The following SLC9A5 variants were observed in gnomAD, a reference collection of about 807,000 sequenced individuals.
SLC9A5 encodes solute carrier family 9 member A5.
Under a neutral mutation model 91.7 loss-of-function variants are expected in SLC9A5, and 52 were observed. The ratio of observed to expected loss-of-function variants is 0.57; its 90% CI spans 0.45 to 0.71. The LOEUF is 0.71. Among genes scored for constraint, SLC9A5 ranks in the 30% least tolerant of loss-of-function variants. The probability of loss-of-function intolerance (pLI) is 0.00; values close to 1 mark genes in which losing one functional copy is unlikely to be tolerated. For missense variants in SLC9A5, 871 were observed against 1,158.9 expected (o/e 0.75, Z 3.61); for synonymous variants, 419 against 474.5 (o/e 0.88, Z 1.52).
intron 12 of SLC9A5, chr16:67,261,245 A>G (rs1160084041): frequency 6.6e-6 from 1 of 152,248 alleles, no homozygotes; most frequent in Admixed American, 6.5e-5. Context: ...GCCTTGGCTC[A>G]CCACCCTGGG....
intron 12 of SLC9A5, chr16:67,262,962 A>T (rs1283555214): frequency 6.6e-6 from 1 of 152,478 alleles, no homozygotes; most frequent in Non-Finnish European, 1.5e-5. Flanking sequence ...GGTAGGAGAG[A>T]AAGTGTCAGA....
At chr16:67,261,978 A>C (rs1476083405) in intron 12 of SLC9A5, 1 of 260,738 alleles carries the variant, frequency 3.8e-6, no homozygotes, top group Non-Finnish European at 7.6e-6. Context: ...TTTATGTATA[A>C]GATTGGTCAA....
At position 67,271,458 on chromosome 16, in the gene SLC9A5, G is replaced by A. The variant is rs1168423784; in HGVS notation, c.*248G>A. The A allele has an allele frequency of 9.2e-6, 5 of 543,466 alleles. No homozygotes were observed. The highest frequency in any genetic ancestry group is 4.9e-5 in the South Asian group (2 of 41,028). The allele number at this position is 543,466 out of a possible 1,614,324, so 33.7% of individuals were successfully genotyped here. A position where few individuals can be genotyped will look rare whatever the true frequency, so the allele number is the denominator to read the frequency against. On this transcript the variant is annotated 3_prime_UTR_variant, in exon 16 of 16. Coordinates refer to ENST00000299798, the MANE Select transcript of SLC9A5 (RefSeq NM_004594.3). Reference sequence around the variant, plus strand: ...GGCCTCTACTCTGGCTCAGGACCCAGTCCAGGCCTTCTACGGGCTAGGCCC... The same window carrying A: ...GGCCTCTACTCTGGCTCAGGACCCAATCCAGGCCTTCTACGGGCTAGGCCC...
At chr16:67,259,704 T>A (rs1282901834) in intron 11 of SLC9A5, 43 bp downstream of exon 11, 1 of 1,597,772 alleles carries the variant, frequency 6.3e-7, no homozygotes, top group South Asian at 1.1e-5. Flanking sequence ...CTCCTCTCCA[T>A]TGTGCCCTCT....
In SLC9A5 at chr16:67,259,843, G is replaced by A. The variant is rs1486670750; in HGVS notation, c.1739G>A (p.Cys580Tyr). Residue 580 changes from cysteine to tyrosine, a missense_variant, in exon 12 of 16, where the codon TGT (cysteine) becomes TAT (tyrosine). By Grantham distance (194) the Cys-to-Tyr change is radical. Coordinates refer to ENST00000299798, the MANE Select transcript of SLC9A5 (RefSeq NM_004594.3). ...NLLRESGSGACLDLQVIDTVR... is the reference protein window; with the variant it reads ...NLLRESGSGAYLDLQVIDTVR... The stretch of plus-strand genomic sequence containing the variant: ...AGGAGGGAGAGTGGCAGTGGAGCGT[G>A]TCTGGATCTGCAGGTGATTGACACA... The A allele has an allele frequency of 1.9e-6, 3 of 1,614,182 alleles. No homozygotes were observed. The highest frequency in any genetic ancestry group is 1.7e-5 in the Admixed American group (1 of 60,026).
rs1050058682 is a variant in SLC9A5, at chr16:67,259,955, A to G, written c.1842+9A>G. 3 of 1,613,028 alleles carry G rather than the reference A, an allele frequency of 1.9e-6. No individual in the cohort carries two copies. The highest frequency in any genetic ancestry group is 2.7e-5 in the African/African-American group (2 of 74,896). On this transcript the variant is annotated intron_variant, in intron 12 of 15. Coordinates refer to ENST00000299798, the MANE Select transcript of SLC9A5 (RefSeq NM_004594.3). Reference sequence around the variant, plus strand: ...ACAAGCCGCGCCGTAGGGTGAGAGCAGGCAGGCATCAGGATTTTGAGGGGG... The same window carrying G: ...ACAAGCCGCGCCGTAGGGTGAGAGCGGGCAGGCATCAGGATTTTGAGGGGG...
At chr16:67,269,062 T>G (rs2035837403) in intron 15 of SLC9A5, among the ~76,000 whole-genome samples, 1 of 152,076 alleles carries the variant, frequency 6.6e-6, no homozygotes, top group Non-Finnish European at 1.5e-5. Flanking sequence ...AGTCTTTCTC[T>G]GTCTGGATTT....
Position 67,258,269 on chromosome 16 carries a change from G to T in SLC9A5, c.1497-49G>T. Reference sequence around the variant, plus strand: ...GCCCCGTCTGAGGAAGGGCCACCTGGCCAGGCCTTGGGAATGGGACTCAGG... The same window carrying T: ...GCCCCGTCTGAGGAAGGGCCACCTGTCCAGGCCTTGGGAATGGGACTCAGG... On this transcript the variant is annotated intron_variant, in intron 9 of 15. Coordinates refer to ENST00000299798, the MANE Select transcript of SLC9A5 (RefSeq NM_004594.3). The surrounding 1 kb of genome is among the most constrained non-coding windows in gnomAD (Gnocchi z 4.5). The T allele has an allele frequency of 6.2e-7, 1 of 1,607,042 alleles. No homozygotes were observed.
In SLC9A5 at chr16:67,266,096, A is replaced by G; in HGVS notation, c.2089A>G (p.Ile697Val). 6.2e-7 allele frequency: 1 copy of G among 1,611,798 alleles called. No homozygotes were observed. Among genetic ancestry groups the G allele is most frequent in the Non-Finnish European group, 8.5e-7 (1 of 1,179,046 alleles). ...CTCTTGTCTCTGTCCAGCTGCTGTG[A>G]TATTAACCGTGGAGTCTGAGGAGGA... is the stretch of plus-strand genomic sequence containing the variant. ...GLGFQDTAAV[I>V]LTVESEEEEE... Residue 697 changes from isoleucine to valine, a missense_variant, in exon 15 of 16, where the codon ATA becomes GTA. Ile to Val is a conservative substitution (Grantham distance 29). Around this residue, in one of 3 missense-constraint regions of SLC9A5, gnomAD observed 295 missense variants for 326.0 expected, o/e 0.90. Coordinates refer to ENST00000299798, the MANE Select transcript of SLC9A5 (RefSeq NM_004594.3).
At chr16:67,264,771 C>T (rs2142377435) in intron 13 of SLC9A5, among the ~76,000 whole-genome samples, 1 of 152,208 alleles carries the variant, frequency 6.6e-6, no homozygotes, top group East Asian at 1.9e-4. Context: ...GGGCCGCCTA[C>T]CAAAGATGAA....
chr16:67,268,656 G>GA (rs2035797151), intron 15 of SLC9A5, among the ~76,000 whole-genome samples: 1 of 54,860 alleles, frequency 1.8e-5, no homozygotes, highest in Non-Finnish European at 3.4e-5. Context: ...AAATTTCCCT[G>GA]ATTATATATA....
Position 67,268,711 on chromosome 16 carries a change from T to TA in SLC9A5, c.2219-2027_2219-2026insA, listed in dbSNP as rs55635044. On this transcript the variant is annotated intron_variant, in intron 15 of 15. Coordinates refer to ENST00000299798, the MANE Select transcript of SLC9A5 (RefSeq NM_004594.3). ...ATATATATATATATATATATATATA[T>TA]TTTTACAGTAGGCTTGTCCAATGTC... Among the ~76,000 whole-genome samples, 178 of 97,316 alleles carry TA rather than the reference T, an allele frequency of 1.8e-3. 2 individuals carry two copies. Among genetic ancestry groups the TA allele is most frequent in the African/African-American group, 6.3e-3 (132 of 20,810 alleles). The allele number at this position is 97,316 out of a possible 152,430, so 63.8% of individuals were successfully genotyped here. A position where few individuals can be genotyped will look rare whatever the true frequency, so the allele number is the denominator to read the frequency against.
At position 67,252,691 on chromosome 16, in the gene SLC9A5, C is replaced by G. The variant is rs749949450; in HGVS notation, c.337C>G (p.Pro113Ala). Residue 113 changes from proline (P) to alanine (A), a missense_variant, in exon 2 of 16, where the codon CCT (proline) becomes GCT (alanine). Physicochemically the swap from Pro to Ala is conservative, Grantham distance 27. Around this residue, in one of 3 missense-constraint regions of SLC9A5, gnomAD observed 454 missense variants for 718.3 expected, o/e 0.63. Transcript: ENST00000299798. The surrounding 1 kb of genome is among the most constrained non-coding windows in gnomAD (Gnocchi z 4.0). Reference sequence around the variant, plus strand: ...AGGCACCTTCTTCCTCTTCCTGCTGCCTCCTATTGTGTTGGACTCAGGCTA... The same window carrying G: ...AGGCACCTTCTTCCTCTTCCTGCTGGCTCCTATTGTGTTGGACTCAGGCTA... ...EPGTFFLFLLPPIVLDSGYFM... is the reference protein window; with the variant it reads ...EPGTFFLFLLAPIVLDSGYFM... 1 of 1,614,226 alleles carries G rather than the reference C, an allele frequency of 6.2e-7. No individual in the cohort carries two copies. The highest frequency in any genetic ancestry group is 8.5e-7 in the Non-Finnish European group (1 of 1,180,044).
Position 67,257,247 on chromosome 16 carries a change from G to T in SLC9A5, c.1336-98G>T. 7.4e-7 allele frequency: 1 copy of T among 1,357,522 alleles called. No individual in the cohort carries two copies. The highest frequency in any genetic ancestry group is 1.0e-6 in the Non-Finnish European group (1 of 955,746). 84.1% of individuals were successfully genotyped at this position (1,357,522 alleles called of 1,614,324 possible). On this transcript the variant is annotated intron_variant, in intron 7 of 15. Coordinates refer to ENST00000299798, the MANE Select transcript of SLC9A5 (RefSeq NM_004594.3). The surrounding 1 kb of genome is among the most constrained non-coding windows in gnomAD (Gnocchi z 5.1). Reference sequence around the variant, plus strand: ...GACTTCCCAGACCTTGAGTGCAGTGGGGTAGGGGTACTGAAGCTGAAGCCT... The same window carrying T: ...GACTTCCCAGACCTTGAGTGCAGTGTGGTAGGGGTACTGAAGCTGAAGCCT...
chr16:67,259,977 G>T lies in SLC9A5; in HGVS notation c.1842+31G>T, dbSNP rs781366542. 41 of 1,609,634 alleles carry T rather than the reference G, an allele frequency of 2.5e-5. No homozygotes were observed. In the East Asian group the frequency reaches 8.9e-4, roughly 35 times the overall value. ...AGCAGGCAGGCATCAGGATTTTGAG[G>T]GGGTGGAGGTGGTCTGAGGAGAGCT... On this transcript the variant is annotated intron_variant, in intron 12 of 15. Coordinates refer to ENST00000299798, the MANE Select transcript of SLC9A5 (RefSeq NM_004594.3).
Position 67,255,507 on chromosome 16 carries a change from T to C in SLC9A5, c.733+36T>C, listed in dbSNP as rs749196880. The C allele has an allele frequency of 6.3e-7, 1 of 1,596,980 alleles. No homozygotes were observed. Among genetic ancestry groups the C allele is most frequent in the Non-Finnish European group, 8.6e-7 (1 of 1,164,652 alleles). ...CCCCGCTCCCAGCTGGCATTGGAGG[T>C]CTGCCTCCCCTGGGTTGCTGAGGCC... On this transcript the variant is annotated intron_variant, in intron 4 of 15. Coordinates refer to ENST00000299798, the MANE Select transcript of SLC9A5 (RefSeq NM_004594.3). The surrounding 1 kb of genome is among the most constrained non-coding windows in gnomAD (Gnocchi z 4.9).
chr16:67,268,647 A>G (rs2035796900), intron 15 of SLC9A5, among the ~76,000 whole-genome samples: 1 of 104,702 alleles, frequency 9.6e-6, no homozygotes, highest in African/African-American at 3.5e-5. Flanking sequence ...ACATCGTTCA[A>G]ATTTCCCTGA....
Position 67,249,055 on chromosome 16 carries a change from C to T in SLC9A5, c.41C>T (p.Ala14Val), listed in dbSNP as rs778721211. Residue 14 changes from alanine (A) to valine (V), a missense_variant, in exon 1 of 16, where the codon GCG becomes GTG. Around this residue, in one of 3 missense-constraint regions of SLC9A5, gnomAD observed 122 missense variants for 114.5 expected, o/e 1.07. Coordinates refer to ENST00000299798, the MANE Select transcript of SLC9A5 (RefSeq NM_004594.3). ...CTGTCCCTGCTCGCGCTGCCCCTGG[C>T]GGGGGCGGCCGAAGAGCCCACCCAG... ...AALSLLALPL[A>V]GAAEEPTQKP... 35 of 1,506,670 alleles carry T rather than the reference C, an allele frequency of 2.3e-5. No individual in the cohort carries two copies. In the African/African-American group the frequency reaches 4.3e-4, roughly 18 times the overall value. The allele number at this position is 1,506,670 out of a possible 1,614,324, so 93.3% of individuals were successfully genotyped here. A position where few individuals can be genotyped will look rare whatever the true frequency, so the allele number is the denominator to read the frequency against.
At position 67,265,158 on chromosome 16, in the gene SLC9A5, T is replaced by A. The variant is rs777994583; in HGVS notation, c.2080+52T>A. 3 of 1,568,346 alleles carry A rather than the reference T, an allele frequency of 1.9e-6. No individual in the cohort carries two copies. The South Asian group carries it at 3.3e-5, about 17-fold the overall frequency. On this transcript the variant is annotated intron_variant, in intron 14 of 15. Coordinates refer to ENST00000299798, the MANE Select transcript of SLC9A5 (RefSeq NM_004594.3). ...GGATGGGAGGGAGGAGGGAAAGGGCTGGGGCTTGCCAGCCAGAATCCTGGA... is the reference window on the plus strand; with the variant it reads ...GGATGGGAGGGAGGAGGGAAAGGGCAGGGGCTTGCCAGCCAGAATCCTGGA...
Sources: gnomAD v4.1 joint callset for allele counts (sites outside exome capture counted in the v4.1 genomes callset) on GRCh38, gnomAD v4.1.1 for gene constraint, gnomAD v4.1.1 regional missense constraint, Gnocchi (gnomAD v3.1) non-coding constraint, MANE v1.5 for transcripts, NCBI Gene and HGNC (gene_info 2026-07-23, HGNC 2026-07-21) for gene names.